Variants in EPHA6 observed in about 807,000 individuals in gnomAD.
The protein encoded by EPHA6 is EPH receptor A6, also known as ephrin type-A receptor 6.
A neutral mutation model predicts 112.0 loss-of-function variants in EPHA6; 50 were observed. That is an observed-to-expected ratio of 0.45 (90% CI 0.36 to 0.56). The LOEUF is 0.56. EPHA6 is among the 20% of genes least tolerant of loss of function. The probability of loss-of-function intolerance (pLI) is 0.00; values close to 1 mark genes in which losing one functional copy is unlikely to be tolerated. For synonymous variants in EPHA6, 529 were observed against 490.7 expected (o/e 1.08, Z -1.03); for missense variants, 1,280 against 1,417.4 (o/e 0.90, Z 1.56).
At chr3:97,602,768 T>C (rs2093652834) in intron 12 of EPHA6, among the ~76,000 whole-genome samples, 1 of 152,034 alleles carries the variant, frequency 6.6e-6, no homozygotes, top group Non-Finnish European at 1.5e-5. Flanking sequence ...TGATTTAGAG[T>C]AGTATCTATT....
At chr3:97,182,221 A>G (rs571195191) in intron 3 of EPHA6, among the ~76,000 whole-genome samples, 114 of 151,880 alleles carry the variant, frequency 7.5e-4, no homozygotes, top group African/African-American at 2.6e-3. Context: ...TATCATTTCT[A>G]GTTTGTTCTC....
At chr3:97,527,338 C>T (rs923722684) in intron 10 of EPHA6, among the ~76,000 whole-genome samples, 1 of 152,126 alleles carries the variant, frequency 6.6e-6, no homozygotes, top group Non-Finnish European at 1.5e-5. Context: ...ATCTTGGGCT[C>T]CACTCTGGTT....
chr3:97,208,642 C>A (rs1374126013), intron 3 of EPHA6, among the ~76,000 whole-genome samples: 2 of 151,864 alleles, frequency 1.3e-5, no homozygotes, highest in African/African-American at 2.4e-5. Context: ...AGTTACTTGG[C>A]AGGCTGAGGC....
At chr3:97,399,018 C>T (rs968855584) in intron 5 of EPHA6, among the ~76,000 whole-genome samples, 20 of 151,514 alleles carry the variant, frequency 1.3e-4, no homozygotes, top group African/African-American at 4.8e-4. Context: ...GCTATAGTCA[C>T]CTACAGTGCT....
intron 5 of EPHA6, among the ~76,000 whole-genome samples, chr3:97,329,764 G>A (rs1274904988): frequency 6.6e-6 from 1 of 152,038 alleles, no homozygotes; most frequent in East Asian, 1.9e-4. Flanking sequence ...CCATTCTGTA[G>A]GTTGCCTGTT....
At chr3:97,361,382 G>A (rs953752529) in intron 5 of EPHA6, among the ~76,000 whole-genome samples, 1 of 152,162 alleles carries the variant, frequency 6.6e-6, no homozygotes, top group Non-Finnish European at 1.5e-5. Flanking sequence ...TGTGCAGGAT[G>A]CCAGGTTCAG....
intron 3 of EPHA6, among the ~76,000 whole-genome samples, chr3:97,011,083 A>G (rs188166499): frequency 1.3e-5 from 2 of 152,320 alleles, no homozygotes; most frequent in East Asian, 1.9e-4. Flanking sequence ...AGACAAACAC[A>G]TAAGAAGTAA....
chr3:97,532,658 G>T, intron 11 of EPHA6, 115 bp downstream of exon 11: 1 of 841,858 alleles, frequency 1.2e-6, no homozygotes, highest in Non-Finnish European at 1.8e-6. Flanking sequence ...ACTTAGTTCA[G>T]ATATCATCAC....
At chr3:96,994,732 T>TAGAGAGAGAGAGAGAGAGAG (rs71623564) in intron 3 of EPHA6, among the ~76,000 whole-genome samples, 15 of 82,182 alleles carry the variant, frequency 1.8e-4, no homozygotes, top group Non-Finnish European at 2.4e-4. Context: ...TATATATATA[T>TAGAGAGAGAGAGAGAGAGAG]AGAGAGAGAG....
intron 5 of EPHA6, among the ~76,000 whole-genome samples, chr3:97,317,957 T>A (rs1214669403): frequency 6.6e-6 from 1 of 151,978 alleles, no homozygotes; most frequent in African/African-American, 2.4e-5. Context: ...GAGACTTAAA[T>A]TGAGCATTTT....
intron 2 of EPHA6, among the ~76,000 whole-genome samples, chr3:96,870,293 T>G (rs2036561490): frequency 6.6e-6 from 1 of 151,938 alleles, no homozygotes; most frequent in South Asian, 2.1e-4. Context: ...GGGGAGTGGG[T>G]ACTGACATCA....
intron 6 of EPHA6, among the ~76,000 whole-genome samples, chr3:97,444,325 A>G (rs756642153): frequency 2.0e-5 from 3 of 152,162 alleles, no homozygotes; most frequent in South Asian, 4.1e-4. Context: ...GATGACCACT[A>G]TGCTGGCCTA....
chr3:97,353,890 A>T (rs2083932806), intron 5 of EPHA6, among the ~76,000 whole-genome samples: 1 of 152,146 alleles, frequency 6.6e-6, no homozygotes, highest in Admixed American at 6.5e-5. Context: ...AGGGGTGCTT[A>T]TGTTACCCCT....
Position 97,741,199 on chromosome 3 carries a change from T to G in EPHA6, c.3128+5081T>G, listed in dbSNP as rs141231393. ...CCCATCTCTACAAAAAATTAAAAAC[T>G]AAAATTAGCCAGGCATGGTGGCACA... On this transcript the variant is annotated intron_variant, in intron 16 of 17. Coordinates refer to ENST00000389672, the MANE Select transcript of EPHA6 (RefSeq NM_001080448.3). Among the ~76,000 whole-genome samples the G allele has an allele frequency of 1.3e-5, 2 of 151,570 alleles. 1 individual carries two copies. The highest frequency in any genetic ancestry group is 2.9e-5 in the Non-Finnish European group (2 of 67,798).
chr3:96,820,217 G>A (rs1276069860), intron 1 of EPHA6, among the ~76,000 whole-genome samples: 1 of 152,112 alleles, frequency 6.6e-6, no homozygotes, highest in African/African-American at 2.4e-5. Flanking sequence ...AGAGTCCTCA[G>A]AGTAGAATAA....
intron 5 of EPHA6, among the ~76,000 whole-genome samples, chr3:97,399,322 T>C (rs74494822): frequency 0.11 from 16,014 of 151,600 alleles, 2,688 homozygotes; most frequent in African/African-American, 0.35. Flanking sequence ...GTGTTACATA[T>C]TTTCATTATT....
intron 14 of EPHA6, among the ~76,000 whole-genome samples, chr3:97,656,451 A>G (rs556119068): frequency 8.6e-5 from 13 of 152,028 alleles, no homozygotes; most frequent in African/African-American, 2.9e-4. Context: ...ACTTTTCCGA[A>G]CCTATAAATA....
At chr3:97,607,418 AT>A (rs1468869313) in intron 12 of EPHA6, among the ~76,000 whole-genome samples, 1 of 151,042 alleles carries the variant, frequency 6.6e-6, no homozygotes, top group East Asian at 1.9e-4. Context: ...TAAGAAAATA[AT>A]TTTTCTTTTC....
At chr3:97,487,682 T>G (rs1330414366) in intron 10 of EPHA6, among the ~76,000 whole-genome samples, 1 of 152,208 alleles carries the variant, frequency 6.6e-6, no homozygotes, top group African/African-American at 2.4e-5. Context: ...GGTACTTTTT[T>G]TGTGTGTGTA....
Sources: gnomAD v4.1 joint callset for allele counts (sites outside exome capture counted in the v4.1 genomes callset) on GRCh38, gnomAD v4.1.1 for gene constraint, MANE v1.5 for transcripts, NCBI Gene and HGNC (gene_info 2026-07-23, HGNC 2026-07-21) for gene names.